ATXN8OS: variants seen among roughly 807,000 people sequenced by gnomAD.
ATXN8OS encodes the protein ATXN8 opposite strand (non-protein coding).
chr13:70,153,558 G>A lies in ATXN8OS; in HGVS notation n.573+6130G>A, dbSNP rs144266816. Among the ~76,000 whole-genome samples, 26 of 152,260 alleles carry A rather than the reference G, an allele frequency of 1.7e-4. No individual in the cohort carries two copies. The East Asian group carries it at 3.5e-3, about 20-fold the overall frequency. On this transcript the variant is annotated intron_variant and non_coding_transcript_variant, in intron 4 of 4. Coordinates refer to ENST00000678624, the Ensembl canonical transcript of ATXN8OS. ...CCATTGCACTCCAGCCCGGGCAACAGTGAGAGACTGCAAAAAAATAAAAAT... is the reference window on the plus strand; with the variant it reads ...CCATTGCACTCCAGCCCGGGCAACAATGAGAGACTGCAAAAAAATAAAAAT...
chr13:70,170,582 C>T lies in ATXN8OS; in HGVS notation n.1403C>T, dbSNP rs114934252. On this transcript the variant is annotated non_coding_transcript_exon_variant, in exon 5 of 5. Coordinates refer to ENST00000678624, the Ensembl canonical transcript of ATXN8OS. ...TGGAAACTTTAGACAACCTAACCAT[C>T]TCAAGGGAAAACAGCAAACTAAGCT... Among the ~76,000 whole-genome samples, 277 of 152,208 alleles carry T rather than the reference C, an allele frequency of 1.8e-3. 1 individual carries two copies. Among genetic ancestry groups the T allele is most frequent in the African/African-American group, 6.0e-3 (251 of 41,530 alleles).
intron 4 of ATXN8OS, among the ~76,000 whole-genome samples, chr13:70,151,735 G>T (rs1888869751): frequency 1.3e-5 from 2 of 152,076 alleles, no homozygotes; most frequent in South Asian, 4.1e-4. Flanking sequence ...GATTAAAGTT[G>T]TATTTCAACA....
At chr13:70,169,233 T>C (rs1244175017) in intron 4 of ATXN8OS, among the ~76,000 whole-genome samples, 1 of 152,168 alleles carries the variant, frequency 6.6e-6, no homozygotes, top group Non-Finnish European at 1.5e-5. Flanking sequence ...GCTGCATTAT[T>C]TGTAGCAACG....
At chr13:70,114,409 A>T (rs186755451) in intron 1 of ATXN8OS, among the ~76,000 whole-genome samples, 1 of 152,324 alleles carries the variant, frequency 6.6e-6, no homozygotes, top group Admixed American at 6.5e-5. Context: ...TAAAGTCTAA[A>T]AAATATTAAA....
At chr13:70,128,387 G>A (rs946383156) in intron 2 of ATXN8OS, among the ~76,000 whole-genome samples, 12 of 152,036 alleles carry the variant, frequency 7.9e-5, no homozygotes, top group African/African-American at 2.7e-4. Flanking sequence ...CTTTTACAAT[G>A]TAATTCATTT....
chr13:70,116,278 G>T (rs1235300959), intron 2 of ATXN8OS, among the ~76,000 whole-genome samples: 1 of 152,010 alleles, frequency 6.6e-6, no homozygotes, highest in African/African-American at 2.4e-5. Flanking sequence ...ACATCATCCA[G>T]GGAGATAAAT....
At chr13:70,155,481 A>G (rs1888925114) in intron 4 of ATXN8OS, among the ~76,000 whole-genome samples, 1 of 152,152 alleles carries the variant, frequency 6.6e-6, no homozygotes, top group Non-Finnish European at 1.5e-5. Context: ...CCTGGCCAGA[A>G]TCAACTAGTA....
chr13:70,109,024 G>A (rs1398642033), intron 1 of ATXN8OS, among the ~76,000 whole-genome samples: 4 of 152,056 alleles, frequency 2.6e-5, no homozygotes, highest in South Asian at 2.1e-4. Context: ...GTGTAGCCTC[G>A]GAATGAAAGC....
At chr13:70,112,550 T>G (rs942068630) in intron 1 of ATXN8OS, among the ~76,000 whole-genome samples, 1 of 152,146 alleles carries the variant, frequency 6.6e-6, no homozygotes, top group Admixed American at 6.5e-5. Context: ...AGTATAGTTA[T>G]AGTTTACTTA....
At chr13:70,139,373 T>C (rs1300385617) in intron 3 of ATXN8OS, 4 of 678,274 alleles carry the variant, frequency 5.9e-6, no homozygotes, top group African/African-American at 2.3e-5. Flanking sequence ...CTACTACTAC[T>C]ACTACTACTA....
chr13:70,141,390 G>C (rs556598423), intron 3 of ATXN8OS, among the ~76,000 whole-genome samples: 60 of 152,208 alleles, frequency 3.9e-4, no homozygotes, highest in Non-Finnish European at 7.1e-4. Context: ...TATATTTTTT[G>C]TTTGAGTGGA....
chr13:70,153,417 AC>A (rs1489852861), intron 4 of ATXN8OS, among the ~76,000 whole-genome samples: 1 of 152,002 alleles, frequency 6.6e-6, no homozygotes, highest in Non-Finnish European at 1.5e-5. Context: ...TACTAAAAAT[AC>A]AAAAAACTTA....
At chr13:70,156,490 T>C (rs868565313) in intron 4 of ATXN8OS, among the ~76,000 whole-genome samples, 2 of 152,160 alleles carry the variant, frequency 1.3e-5, no homozygotes, top group Non-Finnish European at 2.9e-5. Context: ...TATTTTATGA[T>C]AATTTCTACA....
intron 2 of ATXN8OS, among the ~76,000 whole-genome samples, chr13:70,115,531 G>C (rs1056907561): frequency 1.3e-5 from 2 of 152,090 alleles, no homozygotes; most frequent in Non-Finnish European, 2.9e-5. Flanking sequence ...AGAAACAAAA[G>C]TAATGGTTTT....
At chr13:70,144,119 A>C (rs1888750890) in intron 3 of ATXN8OS, among the ~76,000 whole-genome samples, 1 of 152,082 alleles carries the variant, frequency 6.6e-6, no homozygotes, top group Non-Finnish European at 1.5e-5. Context: ...ATAAATATTA[A>C]ATTTTAATAT....
At chr13:70,168,666 C>T (rs992898899) in intron 4 of ATXN8OS, among the ~76,000 whole-genome samples, 5 of 149,076 alleles carry the variant, frequency 3.4e-5, no homozygotes, top group Non-Finnish European at 5.9e-5. Context: ...TGGCTTATTT[C>T]GCTTAACATA....
At chr13:70,154,057 C>T (rs1240709882) in intron 4 of ATXN8OS, among the ~76,000 whole-genome samples, 1 of 152,122 alleles carries the variant, frequency 6.6e-6, no homozygotes, top group Non-Finnish European at 1.5e-5. Context: ...TCTAGAGCCT[C>T]ATCTATTTCT....
intron 2 of ATXN8OS, among the ~76,000 whole-genome samples, chr13:70,122,084 C>T (rs1163321616): frequency 1.3e-5 from 2 of 151,876 alleles, no homozygotes; most frequent in African/African-American, 4.8e-5. Context: ...CACACTAATC[C>T]CTTCTTGCAC....
chr13:70,135,743 C>T (rs781539489), intron 3 of ATXN8OS, among the ~76,000 whole-genome samples: 24 of 151,988 alleles, frequency 1.6e-4, no homozygotes, highest in Non-Finnish European at 3.2e-4. Flanking sequence ...CATGGGTGTA[C>T]CACTATTAAG....
Sources: gnomAD v4.1 joint callset for allele counts (sites outside exome capture counted in the v4.1 genomes callset) on GRCh38, gnomAD v4.1.1 for gene constraint, MANE v1.5 for transcripts, NCBI Gene and HGNC (gene_info 2026-07-23, HGNC 2026-07-21) for gene names.